Variants in ZNF704 observed in about 807,000 individuals in gnomAD.
The protein encoded by ZNF704 is zinc finger protein 704.
In ZNF704, 10 loss-of-function variants were observed where a neutral mutation model predicts 44.7. The observed-to-expected ratio is 0.22, with a 90% CI of 0.14 to 0.38. ZNF704 has a LOEUF of 0.38. ZNF704 is among the 10% of genes least tolerant of loss of function. The pLI is 1.00. For synonymous variants in ZNF704, 211 were observed against 207.6 expected (o/e 1.02, Z -0.14); for missense variants, 390 against 545.5 (o/e 0.71, Z 2.84).
At chr8:80,848,940 T>G (rs1453420046) in intron 1 of ZNF704, among the ~76,000 whole-genome samples, 1 of 152,134 alleles carries the variant, frequency 6.6e-6, no homozygotes, top group Non-Finnish European at 1.5e-5. Flanking sequence ...GACTCAGGCC[T>G]CTGAATTTTC....
chr8:80,698,703 T>C (rs73273005), intron 2 of ZNF704, among the ~76,000 whole-genome samples: 12,872 of 152,238 alleles, frequency 0.085, 1,844 homozygotes, highest in African/African-American at 0.29. Context: ...GGTTGCAGAA[T>C]GACATCATCT....
At chr8:80,757,149 G>T (rs1341190885) in intron 2 of ZNF704, among the ~76,000 whole-genome samples, 1 of 152,154 alleles carries the variant, frequency 6.6e-6, no homozygotes, top group Non-Finnish European at 1.5e-5. Flanking sequence ...GTCCTTTAGA[G>T]GTATTTCAGA....
At chr8:80,716,050 A>T (rs1819067323) in intron 2 of ZNF704, among the ~76,000 whole-genome samples, 1 of 151,898 alleles carries the variant, frequency 6.6e-6, no homozygotes, top group Non-Finnish European at 1.5e-5. Flanking sequence ...ACTGCACTCC[A>T]GCCTGGGCGA....
chr8:80,649,860 G>A (rs548336096), intron 7 of ZNF704, among the ~76,000 whole-genome samples: 80 of 152,348 alleles, frequency 5.3e-4, no homozygotes, highest in Middle Eastern at 6.8e-3. Context: ...CGGACAGACT[G>A]CCTCCTCAAG....
chr8:80,762,107 CA>C (rs993885271), intron 2 of ZNF704, among the ~76,000 whole-genome samples: 2 of 151,040 alleles, frequency 1.3e-5, no homozygotes, highest in African/African-American at 4.9e-5. Context: ...TCAAATTGGC[CA>C]AAAAAAAGCA....
chr8:80,843,942 T>C (rs933603041), intron 1 of ZNF704, among the ~76,000 whole-genome samples: 1 of 148,632 alleles, frequency 6.7e-6, no homozygotes, highest in Non-Finnish European at 1.5e-5. Flanking sequence ...TATATATATG[T>C]GTATGTATAT....
intron 2 of ZNF704, among the ~76,000 whole-genome samples, chr8:80,736,553 C>T (rs1806669348): frequency 6.6e-6 from 1 of 151,706 alleles, no homozygotes; most frequent in Non-Finnish European, 1.5e-5. Context: ...GCTGGGATTA[C>T]AGGAATGTTA....
At chr8:80,873,346 G>A (rs1396380082) in intron 1 of ZNF704, among the ~76,000 whole-genome samples, 2 of 152,044 alleles carry the variant, frequency 1.3e-5, no homozygotes, top group South Asian at 2.1e-4. Flanking sequence ...AGAGACGCAG[G>A]GGCCCAAGGC....
intron 2 of ZNF704, among the ~76,000 whole-genome samples, chr8:80,772,172 TTC>T (rs1807331529): frequency 6.6e-6 from 1 of 152,346 alleles, no homozygotes; most frequent in African/African-American, 2.4e-5. Context: ...TTTCTCTGTA[TTC>T]TTATTTTTTT....
intron 5 of ZNF704, among the ~76,000 whole-genome samples, chr8:80,669,892 GTTATA>G (rs1258247231): frequency 3.3e-5 from 5 of 152,264 alleles, no homozygotes; most frequent in African/African-American, 9.6e-5. Context: ...TTAGAAGGCT[GTTATA>G]TAATGAGGAA....
In ZNF704 at chr8:80,757,653, CCCGGT is replaced by C. The variant is rs1345859135; in HGVS notation, c.221+63716_221+63720del. Among the ~76,000 whole-genome samples, 4 of 152,250 alleles carry C rather than the reference CCCGGT, an allele frequency of 2.6e-5. No individual in the cohort carries two copies. In the East Asian group the frequency reaches 7.7e-4, roughly 29 times the overall value. The stretch of plus-strand genomic sequence containing the variant: ...ACTCACTGACTCACCCAGCACAGCC[CCCGGT>C]CCTGCAAGCTCCACTCATGGTAAAT... On this transcript the variant is annotated intron_variant, in intron 2 of 8. Transcript: ENST00000327835.
intron 1 of ZNF704, among the ~76,000 whole-genome samples, chr8:80,861,190 AG>A (rs1255192190): frequency 1.3e-5 from 2 of 152,188 alleles, no homozygotes; most frequent in African/African-American, 4.8e-5. Context: ...AAAGAAAATG[AG>A]AACTTGTCTT....
At chr8:80,867,875 A>G (rs1053813751) in intron 1 of ZNF704, among the ~76,000 whole-genome samples, 2 of 152,254 alleles carry the variant, frequency 1.3e-5, no homozygotes, top group African/African-American at 4.8e-5. Flanking sequence ...ATATTATCTC[A>G]TTTAAAAGCC....
chr8:80,717,865 A>G (rs1460853546), intron 2 of ZNF704, among the ~76,000 whole-genome samples: 1 of 152,182 alleles, frequency 6.6e-6, no homozygotes, highest in African/African-American at 2.4e-5. Flanking sequence ...TTAGCATGCC[A>G]TTCGAGGCCA....
intron 2 of ZNF704, among the ~76,000 whole-genome samples, chr8:80,770,416 T>C (rs1807301159): frequency 6.6e-6 from 1 of 152,192 alleles, no homozygotes; most frequent in Non-Finnish European, 1.5e-5. Flanking sequence ...CCATTGTGGT[T>C]TTAATTTGTA....
At chr8:80,653,295 C>A (rs1817954111) in intron 7 of ZNF704, among the ~76,000 whole-genome samples, 1 of 152,116 alleles carries the variant, frequency 6.6e-6, no homozygotes, top group South Asian at 2.1e-4. Flanking sequence ...TCCTATTCAA[C>A]ATAGTGTTGG....
intron 2 of ZNF704, among the ~76,000 whole-genome samples, chr8:80,743,533 C>G (rs2131696494): frequency 6.6e-6 from 1 of 152,324 alleles, no homozygotes. Flanking sequence ...TTCAGAGAAG[C>G]AGGTGGGCTT....
intron 2 of ZNF704, among the ~76,000 whole-genome samples, chr8:80,761,027 T>C (rs1303578418): frequency 6.6e-6 from 1 of 152,066 alleles, no homozygotes; most frequent in African/African-American, 2.4e-5. Context: ...AGGCCCCACC[T>C]TCAACACTGG....
chr8:80,717,778 C>CTGTG (rs1819094814), intron 2 of ZNF704, among the ~76,000 whole-genome samples: 2 of 152,170 alleles, frequency 1.3e-5, no homozygotes, highest in Non-Finnish European at 2.9e-5. Context: ...AAATGTAGCT[C>CTGTG]TCATCATGAC....
Sources: gnomAD v4.1 joint callset for allele counts (sites outside exome capture counted in the v4.1 genomes callset) on GRCh38, gnomAD v4.1.1 for gene constraint, MANE v1.5 for transcripts, NCBI Gene and HGNC (gene_info 2026-07-23, HGNC 2026-07-21) for gene names.